Variants in PEBP4 observed in about 807,000 individuals in gnomAD.
PEBP4 encodes the protein phosphatidylethanolamine binding protein 4, also known as phosphatidylethanolamine-binding protein 4.
In PEBP4, 22 loss-of-function variants were observed where a neutral mutation model predicts 23.9. That is an observed-to-expected ratio of 0.92 (90% CI 0.66 to 1.31). The LOEUF is 1.31. Ranked by LOEUF, PEBP4 falls within the 40% of genes most tolerant of loss-of-function variation. PEBP4 has a pLI of 0.00. For synonymous variants in PEBP4, 112 were observed against 99.3 expected, an observed-to-expected ratio of 1.13 and a Z score of -0.76; for missense variants, 324 against 281.7, an observed-to-expected ratio of 1.15 and a Z score of -1.07.
At chr8:22,873,311 T>C (rs1029137288) in intron 3 of PEBP4, among the ~76,000 whole-genome samples, 1 of 152,182 alleles carries the variant, frequency 6.6e-6, no homozygotes, top group Admixed American at 6.5e-5. Flanking sequence ...CCATTTACGT[T>C]AAGTTCACCA....
intron 2 of PEBP4, among the ~76,000 whole-genome samples, chr8:22,920,936 T>G (rs1479563077): frequency 1.3e-5 from 2 of 152,222 alleles, no homozygotes; most frequent in African/African-American, 4.8e-5. Context: ...TCACTAAGAC[T>G]GTCAGTATGA....
In PEBP4 at chr8:22,727,132, T is replaced by G. The variant is rs1255906972; in HGVS notation, c.403+43A>C. 4 of 1,606,866 alleles carry G rather than the reference T, an allele frequency of 2.5e-6. No individual in the cohort carries two copies. In the East Asian group the frequency reaches 8.9e-5, roughly 36 times the overall value. ...AGGTTTTGATTCCTGTGATCGTCAC[T>G]GATGCCCTGGCTGGGGGAAGGGGTC... On this transcript the variant is annotated intron_variant, in intron 5 of 6. Transcript: ENST00000256404.
chr8:22,765,665 T>A (rs1224693160), intron 4 of PEBP4, among the ~76,000 whole-genome samples: 1 of 152,260 alleles, frequency 6.6e-6, no homozygotes, highest in African/African-American at 2.4e-5. Flanking sequence ...TACTCCAGGA[T>A]AACATACTGT....
At chr8:22,774,511 G>A (rs758098360) in intron 4 of PEBP4, among the ~76,000 whole-genome samples, 5 of 152,172 alleles carry the variant, frequency 3.3e-5, no homozygotes, top group Admixed American at 6.5e-5. Context: ...CAGGTTTGGC[G>A]CCAGCCTGTG....
intron 4 of PEBP4, 84 bp downstream of exon 4, chr8:22,817,553 G>A: frequency 7.8e-7 from 1 of 1,287,714 alleles, no homozygotes; most frequent in Non-Finnish European, 1.1e-6. Context: ...CAACCTTCCT[G>A]GATGAGAGGT....
chr8:22,786,824 C>CTT (rs112542901), intron 4 of PEBP4, among the ~76,000 whole-genome samples: 8 of 142,394 alleles, frequency 5.6e-5, no homozygotes, highest in South Asian at 4.4e-4. Flanking sequence ...CCCCCTACCG[C>CTT]TTTTTTTTTT....
chr8:22,786,445 GC>G (rs1806029279), intron 4 of PEBP4, among the ~76,000 whole-genome samples: 1 of 152,038 alleles, frequency 6.6e-6, no homozygotes, highest in Non-Finnish European at 1.5e-5. Context: ...ACCATGTCCG[GC>G]AATTTTTTTT....
chr8:22,856,234 T>A (rs1807644443), intron 3 of PEBP4, among the ~76,000 whole-genome samples: 1 of 151,928 alleles, frequency 6.6e-6, no homozygotes, highest in Admixed American at 6.6e-5. Flanking sequence ...ACAAAATAAA[T>A]ACACATTGCC....
chr8:22,855,000 GCACACA>G (rs200500141), intron 3 of PEBP4, among the ~76,000 whole-genome samples: 4,654 of 73,700 alleles, frequency 0.063, 205 homozygotes, highest in African/African-American at 0.14. Flanking sequence ...GAGTATGCAC[GCACACA>G]CACACACACA....
At chr8:22,826,497 A>G in intron 3 of PEBP4, among the ~76,000 whole-genome samples, 1 of 152,240 alleles carries the variant, frequency 6.6e-6, no homozygotes, top group East Asian at 1.9e-4. Context: ...ACATTGTTGG[A>G]AATAACTCAA....
At chr8:22,868,870 A>C (rs1807954960) in intron 3 of PEBP4, among the ~76,000 whole-genome samples, 1 of 152,132 alleles carries the variant, frequency 6.6e-6, no homozygotes, top group Admixed American at 6.5e-5. Context: ...TGTTTTCAAC[A>C]TGGTGGCCAG....
chr8:22,815,914 A>G (rs1806730965), intron 4 of PEBP4, among the ~76,000 whole-genome samples: 1 of 152,224 alleles, frequency 6.6e-6, no homozygotes, highest in African/African-American at 2.4e-5. Flanking sequence ...TCAATTCTGA[A>G]GTCATCCCAC....
At position 22,784,945 on chromosome 8, in the gene PEBP4, T is replaced by C. The variant is rs531478185; in HGVS notation, c.357+32692A>G. ...CTCTGGGATCCATCTGGGCGTCACCTTTTGCGGGTGCTGGGGACACTGCTT... is the reference window on the plus strand; with the variant it reads ...CTCTGGGATCCATCTGGGCGTCACCCTTTGCGGGTGCTGGGGACACTGCTT... On this transcript the variant is annotated intron_variant, in intron 4 of 6. Coordinates refer to ENST00000256404, the MANE Select transcript of PEBP4 (RefSeq NM_144962.3). 3.9e-5 allele frequency among the ~76,000 whole-genome samples: 6 copies of C among 152,294 alleles called. No individual in the cohort carries two copies. In the East Asian group the frequency reaches 1.2e-3, roughly 29 times the overall value.
intron 4 of PEBP4, among the ~76,000 whole-genome samples, chr8:22,795,163 A>ATTT (rs33911395): frequency 0.02 from 928 of 47,328 alleles, 176 homozygotes; most frequent in Non-Finnish European, 0.024. Context: ...ATATATATAT[A>ATTT]TTTTTTTTTT....
At chr8:22,798,732 T>TC (rs1395041125) in intron 4 of PEBP4, 2 of 111,464 alleles carry the variant, frequency 1.8e-5, no homozygotes, top group African/African-American at 5.0e-5. Context: ...TTTTTTCTTT[T>TC]TTTTTTTTTT....
At chr8:22,730,378 A>G (rs1470765875) in intron 4 of PEBP4, among the ~76,000 whole-genome samples, 1 of 152,212 alleles carries the variant, frequency 6.6e-6, no homozygotes, top group Non-Finnish European at 1.5e-5. Context: ...TCGTCTCTAC[A>G]AAAAATGCAA....
intron 4 of PEBP4, among the ~76,000 whole-genome samples, chr8:22,751,592 GTGTGTGTGTGTGTGTGTC>G (rs1398475810): frequency 3.0e-5 from 4 of 132,228 alleles, no homozygotes; most frequent in African/African-American, 1.1e-4. Flanking sequence ...GTGTGTCTGT[GTGTGTGTGTGTGTGTGTC>G]TGTGTGTGTG....
intron 3 of PEBP4, among the ~76,000 whole-genome samples, chr8:22,908,891 C>T (rs1319199342): frequency 6.6e-6 from 1 of 152,214 alleles, no homozygotes; most frequent in East Asian, 1.9e-4. Flanking sequence ...GGGCTTGACC[C>T]TGGAAGGCAC....
chr8:22,739,479 G>A (rs1261531384), intron 4 of PEBP4, among the ~76,000 whole-genome samples: 1 of 152,140 alleles, frequency 6.6e-6, no homozygotes. Flanking sequence ...AGGAGGAAGC[G>A]AGGGGACCAA....
Sources: allele counts gnomAD v4.1 joint callset (sites outside exome capture counted in the v4.1 genomes callset), GRCh38; gene constraint gnomAD v4.1.1; transcripts MANE v1.5; gene names NCBI Gene and HGNC (gene_info 2026-07-23, HGNC 2026-07-21).